Variants in PAICS observed in about 807,000 individuals in gnomAD.
The protein encoded by PAICS is bifunctional phosphoribosylaminoimidazole carboxylase/phosphoribosylaminoimidazole succinocarboxamide synthetase.
A neutral mutation model predicts 53.7 loss-of-function variants in PAICS; 33 were observed. That is an observed-to-expected ratio of 0.61 (90% CI 0.47 to 0.82). The LOEUF is 0.82. PAICS is among the 40% of genes least tolerant of loss of function. The pLI is 0.00. For synonymous variants in PAICS, 141 were observed against 167.2 expected, an observed-to-expected ratio of 0.84 and a Z score of 1.21; for missense variants, 394 against 494.1, an observed-to-expected ratio of 0.80 and a Z score of 1.92.
chr4:56,421,964 C>T, the PAICS span: 2 of 152,126 alleles, frequency 1.3e-5, no homozygotes, highest in Non-Finnish European at 2.9e-5. Flanking sequence ...GAAAATACTG[C>T]ATTAGAGTTT....
intron 2 of PAICS, 37 bp downstream of exon 2, chr4:56,441,897 T>G (rs372519972): frequency 1.8e-4 from 245 of 1,381,710 alleles, no homozygotes; most frequent in Non-Finnish European, 2.3e-4. Context: ...TCTCACCTTC[T>G]CTGGTAAGCA....
upstream of PAICS, chr4:56,431,461 C>A (rs1161833339): frequency 2.1e-6 from 2 of 975,278 alleles, no homozygotes; most frequent in Non-Finnish European, 1.2e-6. Context: ...CTCCTGAGAT[C>A]ATTACAAATC....
At chr4:56,432,114 C>G (rs1717616499), upstream of PAICS, among the ~76,000 whole-genome samples, 1 of 152,178 alleles carries the variant, frequency 6.6e-6, no homozygotes, top group Admixed American at 6.5e-5. Context: ...AATATACCTT[C>G]CAGGTATTCT....
chr4:56,459,346 C>G (rs1719384323), intron 8 of PAICS, 26 bp from the exon 9 acceptor site: 1 of 1,500,128 alleles, frequency 6.7e-7, no homozygotes, highest in Non-Finnish European at 9.0e-7. Flanking sequence ...GCTCAATTTT[C>G]TGTCTTTTCC....
chr4:56,436,856 A>G (rs1718010900), intron 1 of PAICS, among the ~76,000 whole-genome samples: 2 of 139,528 alleles, frequency 1.4e-5, no homozygotes. Context: ...AATTAGCTGG[A>G]CGTGGTGGCG....
chr4:56,418,094 C>T, the PAICS span, among the ~76,000 whole-genome samples: 357 of 152,146 alleles, frequency 2.3e-3, 1 homozygote, highest in African/African-American at 8.2e-3. Flanking sequence ...ACCTTGGCCA[C>T]CCAAAGTGCT....
chr4:56,433,404 A>T (rs1013174475), upstream of PAICS, among the ~76,000 whole-genome samples: 81 of 149,570 alleles, frequency 5.4e-4, no homozygotes, highest in Non-Finnish European at 7.1e-4. Context: ...CATTAAAAAA[A>T]AAAAAAAAGA....
At chr4:56,435,379 G>A, upstream of PAICS, 1 of 1,613,766 alleles carries the variant, frequency 6.2e-7, no homozygotes, top group African/African-American at 1.3e-5. Flanking sequence ...GTCCCAGAGT[G>A]ATCACATGCG....
At chr4:56,421,056 T>C in the PAICS span, 2 of 152,210 alleles carry the variant, frequency 1.3e-5, no homozygotes, top group African/African-American at 4.8e-5. Flanking sequence ...GCTTCATCTG[T>C]ATTTACAGAC....
chr4:56,456,997 G>A (rs1719246051), intron 8 of PAICS, among the ~76,000 whole-genome samples: 1 of 152,252 alleles, frequency 6.6e-6, no homozygotes, highest in South Asian at 2.1e-4. Flanking sequence ...GGTAGGGATT[G>A]TTCTTCAAAC....
At chr4:56,440,840 G>A (rs1249737604) in intron 1 of PAICS, among the ~76,000 whole-genome samples, 1 of 152,208 alleles carries the variant, frequency 6.6e-6, no homozygotes, top group Non-Finnish European at 1.5e-5. Context: ...TGTTGATACT[G>A]AGAGTGTTGT....
At chr4:56,457,697 C>T (rs1268778792) in intron 8 of PAICS, among the ~76,000 whole-genome samples, 1 of 145,070 alleles carries the variant, frequency 6.9e-6, no homozygotes, top group Admixed American at 7.0e-5. Flanking sequence ...TGGAGTTTCG[C>T]TCCTGTTGCC....
chr4:56,420,899 G>A, the PAICS span: 7 of 152,186 alleles, frequency 4.6e-5, no homozygotes, highest in Non-Finnish European at 2.9e-5. Flanking sequence ...CCAGGATTCA[G>A]GAAATCAAAG....
upstream of PAICS, among the ~76,000 whole-genome samples, chr4:56,432,801 A>C (rs1232089201): frequency 1.4e-5 from 2 of 147,784 alleles, no homozygotes; most frequent in Non-Finnish European, 3.0e-5. Flanking sequence ...AAAAAAAAAA[A>C]AATCAAGAAG....
chr4:56,433,713 G>A (rs74512638), upstream of PAICS, among the ~76,000 whole-genome samples: 1 of 98,166 alleles, frequency 1.0e-5, no homozygotes, highest in Admixed American at 9.0e-5. Context: ...TTTTTTTTTT[G>A]AGACGGAGTC....
intron 2 of PAICS, among the ~76,000 whole-genome samples, chr4:56,445,588 CCAAAAAAA>C (rs1213187737): frequency 2.6e-5 from 4 of 151,596 alleles, no homozygotes; most frequent in Non-Finnish European, 4.4e-5. Flanking sequence ...CAAAAAAAAA[CCAAAAAAA>C]CAAAAAAACC....
At chr4:56,438,388 T>TATATAC (rs977768123) in intron 1 of PAICS, among the ~76,000 whole-genome samples, 1 of 99,142 alleles carries the variant, frequency 1.0e-5, no homozygotes, top group African/African-American at 3.3e-5. Context: ...TATATATATA[T>TATATAC]ATATATATAT....
At chr4:56,436,450 G>A in intron 1 of PAICS, 122 bp downstream of exon 1, 1 of 857,212 alleles carries the variant, frequency 1.2e-6, no homozygotes, top group Non-Finnish European at 1.9e-6. Flanking sequence ...AGGCAGCCGC[G>A]CGGGCGCACA....
At chr4:56,449,704 G>A (rs763913147) in intron 5 of PAICS, among the ~76,000 whole-genome samples, 20 of 151,708 alleles carry the variant, frequency 1.3e-4, no homozygotes, top group Non-Finnish European at 2.4e-4. Flanking sequence ...TTGGCCAGGC[G>A]CGGTGGCTCA....
Sources: allele counts gnomAD v4.1 joint callset (sites outside exome capture counted in the v4.1 genomes callset), GRCh38; gene constraint gnomAD v4.1.1; transcripts MANE v1.5; gene names NCBI Gene and HGNC (gene_info 2026-07-23, HGNC 2026-07-21).